LAMA2: variants seen among roughly 807,000 people sequenced by gnomAD.
LAMA2 encodes the protein laminin subunit alpha-2.
LAMA2 carries 269 observed loss-of-function variants against 364.8 expected under a neutral mutation model. The observed-to-expected ratio is 0.74, with a 90% confidence interval of 0.67 to 0.82. The LOEUF (loss-of-function observed/expected upper bound fraction) is 0.82. Ranked by LOEUF, LAMA2 falls within the 40% of genes least tolerant of loss-of-function variation. The pLI is 0.00. For missense variants in LAMA2, 3,807 were observed against 3,873.2 expected (o/e 0.98, Z 0.45); for synonymous variants, 1,379 against 1,370.6 (o/e 1.01, Z -0.14).
chr6:129,048,023 C>T (rs1161619924), intron 1 of LAMA2, among the ~76,000 whole-genome samples: 2 of 152,000 alleles, frequency 1.3e-5, no homozygotes, highest in African/African-American at 2.4e-5. Context: ...TAATCAGGAG[C>T]GAGTTACTTA....
At chr6:129,352,895 C>CATTATT (rs112598431) in intron 31 of LAMA2, among the ~76,000 whole-genome samples, 168 of 151,452 alleles carry the variant, frequency 1.1e-3, no homozygotes, top group Middle Eastern at 3.4e-3. Context: ...AGTAATTTAA[C>CATTATT]ATTATTATTA....
chr6:129,376,099 C>A (rs1778360320), intron 34 of LAMA2, among the ~76,000 whole-genome samples: 1 of 152,164 alleles, frequency 6.6e-6, no homozygotes, highest in South Asian at 2.1e-4. Context: ...TGTACTATGG[C>A]TTTCCACTTT....
chr6:129,085,724 G>C (rs1774344941), intron 3 of LAMA2, among the ~76,000 whole-genome samples: 1 of 152,114 alleles, frequency 6.6e-6, no homozygotes, highest in Non-Finnish European at 1.5e-5. Flanking sequence ...CCAGCTCTCA[G>C]CACTTCATAA....
At chr6:129,277,568 C>T (rs1046210491) in intron 17 of LAMA2, among the ~76,000 whole-genome samples, 5 of 151,996 alleles carry the variant, frequency 3.3e-5, no homozygotes, top group African/African-American at 1.2e-4. Context: ...TAATTCTTAC[C>T]AGTAGGTTTC....
At chr6:129,446,434 G>T (rs1782376347) in intron 45 of LAMA2, among the ~76,000 whole-genome samples, 1 of 148,204 alleles carries the variant, frequency 6.7e-6, no homozygotes, top group South Asian at 2.2e-4. Context: ...CTAGAAGGTA[G>T]CATGCTAATG....
chr6:129,481,884 T>A (rs1784365988), intron 55 of LAMA2, among the ~76,000 whole-genome samples: 1 of 152,202 alleles, frequency 6.6e-6, no homozygotes, highest in Non-Finnish European at 1.5e-5. Context: ...CTTTTGGGCC[T>A]GACTCATCCC....
chr6:128,884,903 G>A (rs116686719), intron 1 of LAMA2, among the ~76,000 whole-genome samples: 19 of 152,130 alleles, frequency 1.2e-4, no homozygotes, highest in Non-Finnish European at 2.6e-4. Context: ...TGCAGAGTAA[G>A]GATCAAGTAA....
chr6:129,391,451 T>A (rs1306608006), intron 35 of LAMA2, 40 bp from the exon 36 acceptor site: 2 of 1,523,224 alleles, frequency 1.3e-6, no homozygotes, highest in African/African-American at 2.7e-5. Flanking sequence ...ATGTGGCATG[T>A]TTGTTTACTA....
chr6:129,470,079 G>A (rs1391866381), intron 51 of LAMA2, among the ~76,000 whole-genome samples: 1 of 151,802 alleles, frequency 6.6e-6, no homozygotes, highest in Non-Finnish European at 1.5e-5. Context: ...TTAAATTATA[G>A]CATGTTAATT....
intron 1 of LAMA2, among the ~76,000 whole-genome samples, chr6:129,031,120 G>T (rs1786188958): frequency 6.6e-6 from 1 of 152,134 alleles, no homozygotes; most frequent in Non-Finnish European, 1.5e-5. Flanking sequence ...GCATATTTAT[G>T]TGTGTGTTCA....
chr6:129,371,522 G>A (rs1289220566), intron 34 of LAMA2, among the ~76,000 whole-genome samples: 1 of 151,884 alleles, frequency 6.6e-6, no homozygotes, highest in Non-Finnish European at 1.5e-5. Context: ...ACTGGGGATA[G>A]AAGTGTGAGC....
In LAMA2 at chr6:129,192,795, G is replaced by T. The variant is rs1222805729; in HGVS notation, c.1724G>T (p.Arg575Leu). Residue 575 changes from arginine (R) to leucine (L), a missense_variant, in exon 12 of 65, where the codon CGG becomes CTG. Physicochemically the swap from Arg to Leu is moderately radical, Grantham distance 102 (BLOSUM62 -2). Coordinates refer to ENST00000421865, the MANE Select transcript of LAMA2 (RefSeq NM_000426.4). ...QQISISNAEA[R>L]QALPHSYYWS... ...ATCAGCATCAGTAACGCGGAGGCCC[G>T]GCAAGCCCTGCCGCACAGCTACTAC... 1.2e-6 allele frequency: 2 copies of T among 1,614,154 alleles called. No homozygotes were observed. Among genetic ancestry groups the T allele is most frequent in the Non-Finnish European group, 8.5e-7 (1 of 1,180,030 alleles).
intron 1 of LAMA2, among the ~76,000 whole-genome samples, chr6:128,984,088 A>C (rs1158821124): frequency 6.6e-6 from 1 of 152,170 alleles, no homozygotes; most frequent in African/African-American, 2.4e-5. Flanking sequence ...GTATACAATG[A>C]ATTCTACTAC....
intron 1 of LAMA2, among the ~76,000 whole-genome samples, chr6:128,894,677 T>G (rs927533866): frequency 6.6e-6 from 1 of 152,222 alleles, no homozygotes; most frequent in African/African-American, 2.4e-5. Flanking sequence ...ATTTAATAAA[T>G]TTAATCATTG....
chr6:129,086,749 C>T (rs1028835046), intron 3 of LAMA2, among the ~76,000 whole-genome samples: 27 of 152,184 alleles, frequency 1.8e-4, no homozygotes, highest in African/African-American at 6.3e-4. Flanking sequence ...CTTAAAACCT[C>T]ACAAATTTAT....
chr6:129,039,773 T>C (rs1786952291), intron 1 of LAMA2, among the ~76,000 whole-genome samples: 1 of 152,184 alleles, frequency 6.6e-6, no homozygotes, highest in African/African-American at 2.4e-5. Context: ...GCATGCACAG[T>C]TCACAATATG....
rs770940413 is a variant in LAMA2 at position 129,514,603 on chromosome 6, T to C, written c.9211+8T>C. Reference sequence around the variant, plus strand: ...TTGTTGGAGGCTTCCCAGGTGAGTGTTGGCTACCCCAGCAACAATTTCTTT... The same window carrying C: ...TTGTTGGAGGCTTCCCAGGTGAGTGCTGGCTACCCCAGCAACAATTTCTTT... On this transcript the variant is annotated splice_region_variant and intron_variant, in intron 64 of 64. Transcript: ENST00000421865. The C allele has an allele frequency of 1.2e-6, 2 of 1,604,092 alleles. No individual in the cohort carries two copies.
At chr6:128,911,580 G>A (rs933118610) in intron 1 of LAMA2, among the ~76,000 whole-genome samples, 4 of 152,172 alleles carry the variant, frequency 2.6e-5, no homozygotes, top group African/African-American at 9.7e-5. Flanking sequence ...AGATGGAAAA[G>A]CAGAAATCAC....
At chr6:129,298,606 T>C (rs13217768) in intron 21 of LAMA2, among the ~76,000 whole-genome samples, 52,856 of 152,084 alleles carry the variant, frequency 0.35, 10,686 homozygotes, top group Non-Finnish European at 0.45. Context: ...ATTACCTTTG[T>C]TTACTAATGT....
Sources: allele counts gnomAD v4.1 joint callset (sites outside exome capture counted in the v4.1 genomes callset), GRCh38; gene constraint gnomAD v4.1.1; transcripts MANE v1.5; gene names NCBI Gene and HGNC (gene_info 2026-07-23, HGNC 2026-07-21).